Variants in GALNT13 observed in about 807,000 individuals in gnomAD.
GALNT13 encodes the protein UDP-GalNAc:polypeptide N-acetylgalactosaminyltransferase 13.
A neutral mutation model predicts 64.2 loss-of-function variants in GALNT13; 28 were observed. That is an observed-to-expected ratio of 0.44 (90% CI 0.32 to 0.60). GALNT13 has a LOEUF of 0.60. GALNT13 is among the 20% of genes least tolerant of loss of function. GALNT13 has a pLI of 0.05. For synonymous variants in GALNT13, 214 were observed against 224.6 expected, an observed-to-expected ratio of 0.95 and a Z score of 0.42; for missense variants, 577 against 669.8, an observed-to-expected ratio of 0.86 and a Z score of 1.53.
At chr2:153,429,281 A>C in the GALNT13 span, among the ~76,000 whole-genome samples, 287 of 152,298 alleles carry the variant, frequency 1.9e-3, 1 homozygote, top group Non-Finnish European at 3.4e-3. Context: ...GAGCATATCT[A>C]CTTCCTTTAA....
intron 3 of GALNT13, among the ~76,000 whole-genome samples, chr2:153,975,765 C>T (rs1694036992): frequency 6.6e-6 from 1 of 151,964 alleles, no homozygotes; most frequent in Non-Finnish European, 1.5e-5. Flanking sequence ...GGCTACAGTT[C>T]AGAAAACTGT....
the GALNT13 span, among the ~76,000 whole-genome samples, chr2:153,865,369 A>C: frequency 3.1e-5 from 4 of 130,756 alleles, no homozygotes; most frequent in South Asian, 1.0e-3. Context: ...CAGAGTGAAC[A>C]GGCAACCTAC....
chr2:154,304,231 G>A (rs930354062), intron 9 of GALNT13, among the ~76,000 whole-genome samples: 6 of 152,096 alleles, frequency 3.9e-5, no homozygotes, highest in African/African-American at 7.2e-5. Flanking sequence ...AAGCTATTAC[G>A]AGGAACACCA....
At chr2:153,279,957 A>G in the GALNT13 span, among the ~76,000 whole-genome samples, 1 of 152,194 alleles carries the variant, frequency 6.6e-6, no homozygotes, top group South Asian at 2.1e-4. Flanking sequence ...GCTCTTCTTT[A>G]TACATCTGAT....
chr2:153,785,051 T>A, the GALNT13 span, among the ~76,000 whole-genome samples: 1 of 151,994 alleles, frequency 6.6e-6, no homozygotes, highest in Non-Finnish European at 1.5e-5. Flanking sequence ...CCCTCATCAA[T>A]TTTTTCCAGC....
chr2:153,098,167 C>A, the GALNT13 span, among the ~76,000 whole-genome samples: 2 of 152,168 alleles, frequency 1.3e-5, no homozygotes, highest in Non-Finnish European at 2.9e-5. Flanking sequence ...ATATTTAATG[C>A]TCACTACCAG....
the GALNT13 span, among the ~76,000 whole-genome samples, chr2:153,215,146 A>G: frequency 6.6e-6 from 1 of 152,094 alleles, no homozygotes; most frequent in Non-Finnish European, 1.5e-5. Flanking sequence ...TAATTGATTC[A>G]TATAATTTGT....
intron 9 of GALNT13, among the ~76,000 whole-genome samples, chr2:154,381,715 G>A: frequency 6.6e-6 from 1 of 152,060 alleles, no homozygotes; most frequent in East Asian, 1.9e-4. Context: ...ATATTTCCAA[G>A]CCTCAGGTTA....
chr2:153,442,369 TG>T, the GALNT13 span, among the ~76,000 whole-genome samples: 1 of 152,232 alleles, frequency 6.6e-6, no homozygotes, highest in Non-Finnish European at 1.5e-5. Context: ...TGAGGATTTT[TG>T]CATCGATGTA....
the GALNT13 span, among the ~76,000 whole-genome samples, chr2:153,469,264 C>T: frequency 6.6e-6 from 1 of 152,028 alleles, no homozygotes; most frequent in Admixed American, 6.6e-5. Flanking sequence ...GGTCTCACAG[C>T]TGGAAATTTG....
At chr2:153,398,069 C>G in the GALNT13 span, among the ~76,000 whole-genome samples, 1 of 132,060 alleles carries the variant, frequency 7.6e-6, no homozygotes, top group Non-Finnish European at 1.6e-5. Context: ...CTATCCCTCC[C>G]CCCTCCCCCT....
At chr2:153,276,264 AG>A in the GALNT13 span, among the ~76,000 whole-genome samples, 2 of 152,062 alleles carry the variant, frequency 1.3e-5, no homozygotes, top group African/African-American at 2.4e-5. Context: ...TATTTAGAAA[AG>A]GTTTATACTT....
At chr2:153,333,272 T>C in the GALNT13 span, among the ~76,000 whole-genome samples, 20 of 152,286 alleles carry the variant, frequency 1.3e-4, no homozygotes, top group African/African-American at 4.6e-4. Context: ...GCTCCAGTGT[T>C]TGGGGAAAAT....
At chr2:153,416,411 A>G in the GALNT13 span, among the ~76,000 whole-genome samples, 5 of 152,154 alleles carry the variant, frequency 3.3e-5, no homozygotes, top group Non-Finnish European at 7.3e-5. Context: ...CTTTATCCCA[A>G]TGACACAAAG....
chr2:154,364,621 G>T (rs1411404398), intron 9 of GALNT13, among the ~76,000 whole-genome samples: 1 of 151,848 alleles, frequency 6.6e-6, no homozygotes, highest in African/African-American at 2.4e-5. Context: ...TGACTATTGA[G>T]TATTGTTATC....
At chr2:154,194,736 A>G (rs1686786190) in intron 4 of GALNT13, among the ~76,000 whole-genome samples, 2 of 152,070 alleles carry the variant, frequency 1.3e-5, no homozygotes, top group African/African-American at 4.8e-5. Context: ...ACGAACTAGG[A>G]ACTAATTAAT....
chr2:154,109,389 A>G (rs1187540393), intron 3 of GALNT13, among the ~76,000 whole-genome samples: 1 of 151,988 alleles, frequency 6.6e-6, no homozygotes, highest in East Asian at 1.9e-4. Context: ...TTTGGTGGTC[A>G]TTTCCTATAC....
intron 8 of GALNT13, among the ~76,000 whole-genome samples, chr2:154,263,468 C>A (rs530144755): frequency 3.9e-5 from 6 of 152,064 alleles, no homozygotes; most frequent in African/African-American, 1.4e-4. Context: ...AACAATCTTA[C>A]CTTTAATAAT....
chr2:153,184,980 A>T, the GALNT13 span, among the ~76,000 whole-genome samples: 2 of 152,184 alleles, frequency 1.3e-5, no homozygotes, highest in East Asian at 3.9e-4. Context: ...GCCTCATCAA[A>T]TGAGTTAAGG....
Sources: allele counts gnomAD v4.1 joint callset (sites outside exome capture counted in the v4.1 genomes callset), GRCh38; gene constraint gnomAD v4.1.1; transcripts MANE v1.5; gene names NCBI Gene and HGNC (gene_info 2026-07-23, HGNC 2026-07-21).